Variants in BUD13 observed in about 807,000 individuals in gnomAD.
BUD13 encodes BUD13 spliceosome associated protein.
A neutral mutation model predicts 62.5 loss-of-function variants in BUD13; 47 were observed. That is an observed-to-expected ratio of 0.75 (90% CI 0.60 to 0.96). BUD13 has a LOEUF of 0.96. Ranked by LOEUF, BUD13 falls within the 40% of genes least tolerant of loss-of-function variation. The pLI, the probability that BUD13 is intolerant of heterozygous loss-of-function variation, is 0.00. For synonymous variants in BUD13, 293 were observed against 280.1 expected, an observed-to-expected ratio of 1.05 and a Z score of -0.46; for missense variants, 821 against 790.9, an observed-to-expected ratio of 1.04 and a Z score of -0.46.
chr11:116,760,606 C>G, intron 5 of BUD13, 129 bp downstream of exon 5: 1 of 1,075,038 alleles, frequency 9.3e-7, no homozygotes, highest in Non-Finnish European at 1.4e-6. Flanking sequence ...TCCAAAGGTC[C>G]TTTTAACTAA....
intron 9 of BUD13, among the ~76,000 whole-genome samples, chr11:116,754,069 A>G (rs1940285297): frequency 6.6e-6 from 1 of 152,222 alleles, no homozygotes; most frequent in East Asian, 1.9e-4. Flanking sequence ...TTTTTGATAC[A>G]TGGTCTCACT....
chr11:116,767,910 C>T (rs1212723386), intron 2 of BUD13, among the ~76,000 whole-genome samples: 1 of 151,000 alleles, frequency 6.6e-6, no homozygotes, highest in Admixed American at 6.6e-5. Flanking sequence ...AAGGTAGAGG[C>T]TACAATGGGG....
rs778578426 is a variant in BUD13, at chr11:116,753,877, CA to C, written c.1766+3268del. The stretch of plus-strand genomic sequence containing the variant: ...AGTAACTGATAGAAAAATACAAACA[CA>C]AAAAACCCAGAATACAGGCGATCTA... On this transcript the variant is annotated intron_variant, in intron 9 of 9. Coordinates refer to ENST00000260210, the MANE Select transcript of BUD13 (RefSeq NM_032725.4). 1.7e-4 allele frequency among the ~76,000 whole-genome samples: 26 copies of C among 152,182 alleles called. No individual in the cohort carries two copies. In the East Asian group the frequency reaches 3.5e-3, roughly 20 times the overall value.
chr11:116,751,030 A>G (rs1011214803), intron 9 of BUD13, among the ~76,000 whole-genome samples: 3 of 152,174 alleles, frequency 2.0e-5, no homozygotes, highest in Non-Finnish European at 2.9e-5. Context: ...ACATCCCTTA[A>G]AACTCAGCTC....
At chr11:116,764,437 G>A (rs771858790) in intron 3 of BUD13, among the ~76,000 whole-genome samples, 6 of 152,136 alleles carry the variant, frequency 3.9e-5, no homozygotes, top group East Asian at 1.9e-4. Context: ...ATTGGTAAGC[G>A]TACTTCCAAT....
rs373661280 is a variant in BUD13 at position 116,772,978 on chromosome 11, G to A, written c.-14C>T. 4,023 of 1,527,466 alleles carry A rather than the reference G, an allele frequency of 2.6e-3. 9 individuals carry two copies. The highest frequency in any genetic ancestry group is 3.1e-3 in the Non-Finnish European group (3,501 of 1,131,618). 94.6% of individuals were successfully genotyped at this position (1,527,466 alleles called of 1,614,324 possible). A position where few individuals can be genotyped will look rare whatever the true frequency, so the allele number is the denominator to read the frequency against. ...AGCTGCCGCCATGGCAGCGGCGGGG[G>A]CAGAGAGACGGGTCGGCGCTGGGGA... On this transcript the variant is annotated 5_prime_UTR_variant, in exon 1 of 10. Transcript: ENST00000260210.
At position 116,758,399 on chromosome 11, in the gene BUD13, G is replaced by A; in HGVS notation, c.1369C>T (p.Gln457Ter). The change falls in exon 7 of 10, where the codon CAA (glutamine) becomes TAA (stop). Residue 457 changes from glutamine (Q) to a stop codon, truncating the protein, a stop_gained. Transcript: ENST00000260210. LOFTEE classifies it high-confidence loss of function. ...QETMAFEAEF[Q>*]YAETVFRDKS... ...TCTCGAAATACGGTTTCAGCATATT[G>A]AAATTCAGCTGCAAAGGAAAATTAT... 10 of 1,613,758 alleles carry A rather than the reference G, an allele frequency of 6.2e-6. No individual in the cohort carries two copies. The highest frequency in any genetic ancestry group is 8.5e-6 in the Non-Finnish European group (10 of 1,179,936).
chr11:116,753,370 A>G (rs1475225813), intron 9 of BUD13, among the ~76,000 whole-genome samples: 1 of 152,224 alleles, frequency 6.6e-6, no homozygotes, highest in Non-Finnish European at 1.5e-5. Flanking sequence ...TGCAGAGAAA[A>G]TACCATCAGG....
intron 6 of BUD13, among the ~76,000 whole-genome samples, 159 bp from the exon 7 acceptor site, chr11:116,758,566 C>A (rs1341359995): frequency 6.7e-6 from 1 of 149,034 alleles, no homozygotes; most frequent in Admixed American, 6.7e-5. Flanking sequence ...GCACTGGGCC[C>A]AAGAAATGGC....
At chr11:116,763,434 G>T (rs1940475392) in intron 3 of BUD13, among the ~76,000 whole-genome samples, 168 bp from the exon 4 acceptor site, 1 of 152,138 alleles carries the variant, frequency 6.6e-6, no homozygotes, top group Admixed American at 6.5e-5. Context: ...CACCACTCAT[G>T]AATATCTTAA....
chr11:116,754,190 C>T (rs915326696), intron 9 of BUD13, among the ~76,000 whole-genome samples: 4 of 152,292 alleles, frequency 2.6e-5, no homozygotes, highest in South Asian at 4.1e-4. Flanking sequence ...GGACTATAGG[C>T]GTGTGCCACC....
rs77114977 is a variant in BUD13, at chr11:116,762,020, A to G, written c.1036+533T>C. ...TCATTATAGAATTACAGAAGAAAAA[A>G]CTTAGAAATAACCAAAAACATTCAT... On this transcript the variant is annotated intron_variant, in intron 4 of 9. Coordinates refer to ENST00000260210, the MANE Select transcript of BUD13 (RefSeq NM_032725.4). Among the ~76,000 whole-genome samples, 222 of 152,348 alleles carry G rather than the reference A, an allele frequency of 1.5e-3. 1 individual carries two copies. Among genetic ancestry groups the G allele is most frequent in the Admixed American group, 6.7e-3 (102 of 15,306 alleles).
In BUD13 at chr11:116,760,898, C is replaced by T; in HGVS notation, c.1091G>A (p.Ser364Asn). Residue 364 changes from serine (S) to asparagine (N), a missense_variant, in exon 5 of 10, where the codon AGT (serine) becomes AAT (asparagine). Physicochemically the swap from Ser to Asn is conservative, Grantham distance 46. Transcript: ENST00000260210. Reference sequence around the variant, plus strand: ...TGAATCAGAATCCTGGTGCCCTGGACTTTGTTTATGCCGTGGAGAAGAAAG... The same window carrying T: ...TGAATCAGAATCCTGGTGCCCTGGATTTTGTTTATGCCGTGGAGAAGAAAG... ...SDLSSPRHKQSPGHQDSDSDL... is the reference protein window; with the variant it reads ...SDLSSPRHKQNPGHQDSDSDL... 6.2e-7 allele frequency: 1 copy of T among 1,614,056 alleles called. No homozygotes were observed. Among genetic ancestry groups the T allele is most frequent in the East Asian group, 2.2e-5 (1 of 44,874 alleles).
At chr11:116,762,362 G>A (rs1279436011) in intron 4 of BUD13, among the ~76,000 whole-genome samples, 191 bp downstream of exon 4, 1 of 152,110 alleles carries the variant, frequency 6.6e-6, no homozygotes, top group Non-Finnish European at 1.5e-5. Flanking sequence ...GGGGTGGAGC[G>A]AGCACATAAA....
intron 1 of BUD13, 55 bp from the exon 2 acceptor site, chr11:116,770,277 C>T (rs189383917): frequency 3.5e-4 from 514 of 1,466,882 alleles, no homozygotes; most frequent in African/African-American, 3.2e-3. Context: ...AGCATAAAAA[C>T]ATTTATCTAT....
At chr11:116,759,270 G>T in intron 5 of BUD13, 91 bp from the exon 6 acceptor site, 4 of 807,788 alleles carry the variant, frequency 5.0e-6, no homozygotes, top group South Asian at 3.4e-5. Context: ...TGTGTCTAAT[G>T]ACCAGCAATA....
At chr11:116,751,150 C>G (rs1940225218) in intron 9 of BUD13, among the ~76,000 whole-genome samples, 1 of 152,222 alleles carries the variant, frequency 6.6e-6, no homozygotes, top group Non-Finnish European at 1.5e-5. Flanking sequence ...TATAGTAACA[C>G]TAACCAAACA....
At chr11:116,755,089 C>T (rs1212027177) in intron 9 of BUD13, among the ~76,000 whole-genome samples, 1 of 152,184 alleles carries the variant, frequency 6.6e-6, no homozygotes, top group Non-Finnish European at 1.5e-5. Flanking sequence ...GACTTCAAAG[C>T]ACCAATTACA....
At chr11:116,751,163 G>A (rs909552971) in intron 9 of BUD13, among the ~76,000 whole-genome samples, 5 of 152,138 alleles carry the variant, frequency 3.3e-5, no homozygotes, top group South Asian at 4.1e-4. Context: ...ACCAAACAGC[G>A]TTGAAACTGT....
Sources: gnomAD v4.1 joint callset for allele counts (sites outside exome capture counted in the v4.1 genomes callset) on GRCh38, gnomAD v4.1.1 for gene constraint, MANE v1.5 for transcripts, NCBI Gene and HGNC (gene_info 2026-07-23, HGNC 2026-07-21) for gene names.